Variants in PTPN13 observed in about 807,000 individuals in gnomAD.
PTPN13 encodes tyrosine-protein phosphatase non-receptor type 13.
A neutral mutation model predicts 284.0 loss-of-function variants in PTPN13; 191 were observed. The ratio of observed to expected loss-of-function variants is 0.67; its 90% CI spans 0.60 to 0.76. The LOEUF (loss-of-function observed/expected upper bound fraction) is 0.76, where lower values mean the gene tolerates loss of function less well. Among genes scored for constraint, PTPN13 ranks in the 30% least tolerant of loss-of-function variants. PTPN13 has a pLI of 0.00. For synonymous variants in PTPN13, 986 were observed against 1,022.3 expected, an observed-to-expected ratio of 0.96 and a Z score of 0.68; for missense variants, 2,797 against 2,939.9, an observed-to-expected ratio of 0.95 and a Z score of 1.12.
intron 13 of PTPN13, 22 bp downstream of exon 13, chr4:86,734,478 T>C (rs1035013613): frequency 6.7e-7 from 1 of 1,502,264 alleles, no homozygotes; most frequent in Non-Finnish European, 8.9e-7. Context: ...AGAGTTTCTC[T>C]TTTGCTCTTT....
chr4:86,741,570 C>A, intron 15 of PTPN13, 64 bp from the exon 16 acceptor site: 1 of 1,429,866 alleles, frequency 7.0e-7, no homozygotes, highest in Non-Finnish European at 9.7e-7. Flanking sequence ...TATCATACAG[C>A]TTCAATATCT....
At chr4:86,676,610 C>G (rs1157355196) in intron 3 of PTPN13, among the ~76,000 whole-genome samples, 2 of 151,970 alleles carry the variant, frequency 1.3e-5, no homozygotes, top group Admixed American at 1.3e-4. Flanking sequence ...TGGAAGCAGC[C>G]CAAATGTTCA....
intron 19 of PTPN13, among the ~76,000 whole-genome samples, chr4:86,751,983 T>C (rs1012588600): frequency 3.3e-5 from 5 of 152,058 alleles, no homozygotes; most frequent in African/African-American, 1.2e-4. Context: ...ATATGCACCT[T>C]TTAAGATGCT....
At chr4:86,719,440 G>A (rs895087464) in intron 9 of PTPN13, among the ~76,000 whole-genome samples, 4 of 152,174 alleles carry the variant, frequency 2.6e-5, no homozygotes, top group South Asian at 2.1e-4. Context: ...GTGAACATTC[G>A]TGTGTATGTG....
chr4:86,608,001 T>C (rs1239881738), intron 1 of PTPN13, among the ~76,000 whole-genome samples: 1 of 152,064 alleles, frequency 6.6e-6, no homozygotes, highest in Non-Finnish European at 1.5e-5. Flanking sequence ...AGAGGAATGA[T>C]TTATTCTAAA....
chr4:86,786,829 G>A (rs961135136), intron 40 of PTPN13, among the ~76,000 whole-genome samples: 6 of 152,066 alleles, frequency 3.9e-5, no homozygotes, highest in African/African-American at 7.2e-5. Context: ...TAGGCCGGGC[G>A]CGTTGGCTCA....
At chr4:86,726,203 G>A (rs1407601108) in intron 10 of PTPN13, among the ~76,000 whole-genome samples, 1 of 149,660 alleles carries the variant, frequency 6.7e-6, no homozygotes, top group African/African-American at 2.4e-5. Flanking sequence ...CCAGTACCAT[G>A]CTGTTTTGGT....
intron 1 of PTPN13, among the ~76,000 whole-genome samples, chr4:86,612,001 A>G (rs1394424836): frequency 6.6e-6 from 1 of 152,366 alleles, no homozygotes; most frequent in Admixed American, 6.5e-5. Context: ...CTCAAGATGT[A>G]TGAAGCACTG....
chr4:86,723,713 G>A (rs1733924257), intron 10 of PTPN13, among the ~76,000 whole-genome samples: 2 of 152,084 alleles, frequency 1.3e-5, no homozygotes, highest in Non-Finnish European at 2.9e-5. Flanking sequence ...ATATTCTTAT[G>A]TATTCTGGAT....
chr4:86,732,415 G>C lies in PTPN13; in HGVS notation c.1624G>C (p.Glu542Gln). The change falls in exon 11 of 48, where the codon GAG (glutamate) becomes CAG (glutamine). Residue 542 changes from glutamate (E) to glutamine (Q), a missense_variant. Transcript: ENST00000411767. ...QRKLRNFFGP[E>Q]FVKMTIEPFI... ...TGATTTGCAGAATTTCTTTGGCCCT[G>C]AGTTTGTGAAAATGACAATTGAACC... The C allele has an allele frequency of 1.9e-6, 3 of 1,597,076 alleles. No individual in the cohort carries two copies. Among genetic ancestry groups the C allele is most frequent in the Non-Finnish European group, 2.6e-6 (3 of 1,170,452 alleles).
intron 15 of PTPN13, among the ~76,000 whole-genome samples, chr4:86,739,321 C>T (rs28785868): frequency 0.082 from 12,449 of 152,110 alleles, 648 homozygotes; most frequent in Non-Finnish European, 0.11. Context: ...GACATATACC[C>T]GAGACTGGGC....
intron 24 of PTPN13, among the ~76,000 whole-genome samples, chr4:86,763,731 G>C (rs1738965674): frequency 6.6e-6 from 1 of 152,036 alleles, no homozygotes; most frequent in African/African-American, 2.4e-5. Flanking sequence ...AACATAGGGA[G>C]ACCCTATCTC....
rs770245282 is a variant in PTPN13 at position 86,732,301 on chromosome 4, G to C, written c.1609-99G>C. 61 of 1,012,300 alleles carry C rather than the reference G, an allele frequency of 6.0e-5. No homozygotes were observed. In the South Asian group the frequency reaches 7.3e-4, roughly 12 times the overall value. 62.7% of individuals were successfully genotyped at this position (1,012,300 alleles called of 1,614,324 possible). ...CTAGTTCTAATGTGGTGATTTTGTA[G>C]TTTCATATGTAATTTATTATTCTTA... On this transcript the variant is annotated intron_variant, in intron 10 of 47. Coordinates refer to ENST00000411767, the MANE Select transcript of PTPN13 (RefSeq NM_080683.3).
At chr4:86,740,479 C>T (rs1376741334) in intron 15 of PTPN13, among the ~76,000 whole-genome samples, 3 of 152,094 alleles carry the variant, frequency 2.0e-5, no homozygotes, top group African/African-American at 7.2e-5. Context: ...GGACACAGGG[C>T]ACCAAGTCCC....
rs1290129767 is a variant in PTPN13, at chr4:86,809,884, G to C, written c.7199G>C (p.Arg2400Thr). The C allele has an allele frequency of 3.1e-6, 5 of 1,613,872 alleles. No individual in the cohort carries two copies. Among genetic ancestry groups the C allele is most frequent in the Non-Finnish European group, 4.2e-6 (5 of 1,179,904 alleles). Residue 2400 changes from arginine (R) to threonine (T), a missense_variant, in exon 46 of 48, where the codon AGA becomes ACA. Physicochemically the swap from Arg to Thr is moderately conservative, Grantham distance 71 (BLOSUM62 -1). Coordinates refer to ENST00000411767, the MANE Select transcript of PTPN13 (RefSeq NM_080683.3). ...ATCTCCTACATGAGACACATCCACA[G>C]ATCAGGCCCAATCATTACGCACTGC... Reference protein sequence around the residue: ...TFISYMRHIHRSGPIITHCSA... With the variant: ...TFISYMRHIHTSGPIITHCSA...
intron 2 of PTPN13, among the ~76,000 whole-genome samples, chr4:86,638,266 T>C (rs544410760): frequency 5.3e-5 from 8 of 152,278 alleles, no homozygotes; most frequent in East Asian, 1.9e-4. Flanking sequence ...AGGTAATTTA[T>C]ACATTCAATG....
At chr4:86,795,180 T>A (rs1040467759) in intron 40 of PTPN13, among the ~76,000 whole-genome samples, 1 of 152,102 alleles carries the variant, frequency 6.6e-6, no homozygotes, top group Non-Finnish European at 1.5e-5. Flanking sequence ...TACAAATAAC[T>A]TAAACAAATT....
At chr4:86,785,179 C>T in intron 38 of PTPN13, 52 bp from the exon 39 acceptor site, 3 of 1,354,628 alleles carry the variant, frequency 2.2e-6, no homozygotes. Flanking sequence ...TTGTCCCTTT[C>T]TCGTGTCAAT....
intron 42 of PTPN13, among the ~76,000 whole-genome samples, 187 bp downstream of exon 42, chr4:86,799,391 C>T (rs1743732165): frequency 8.1e-6 from 1 of 122,708 alleles, no homozygotes; most frequent in African/African-American, 3.0e-5. Flanking sequence ...ACTACAACCA[C>T]CACCTCCCCA....
Sources: allele counts gnomAD v4.1 joint callset (sites outside exome capture counted in the v4.1 genomes callset), GRCh38; gene constraint gnomAD v4.1.1; transcripts MANE v1.5; gene names NCBI Gene and HGNC (gene_info 2026-07-23, HGNC 2026-07-21).